IFT140: variants seen among roughly 807,000 people sequenced by gnomAD.
IFT140 encodes intraflagellar transport 140.
A neutral mutation model predicts 164.6 loss-of-function variants in IFT140; 133 were observed. The observed-to-expected ratio is 0.81, with a 90% CI of 0.70 to 0.93. The LOEUF is 0.93. Among genes scored for constraint, IFT140 ranks in the 40% least tolerant of loss-of-function variants. IFT140 has a pLI of 0.00. For missense variants in IFT140, 2,045 were observed against 1,972.3 expected (o/e 1.04, Z -0.70); for synonymous variants, 860 against 817.3 (o/e 1.05, Z -0.89).
chr16:1,538,625 C>A (rs1387764474), intron 19 of IFT140, among the ~76,000 whole-genome samples: 1 of 152,214 alleles, frequency 6.6e-6, no homozygotes, highest in East Asian at 1.9e-4. Context: ...TAATGCCTCC[C>A]TCATTTTGCA....
At chr16:1,570,883 G>A (rs982099451) in intron 14 of IFT140, among the ~76,000 whole-genome samples, 2 of 152,124 alleles carry the variant, frequency 1.3e-5, no homozygotes, top group African/African-American at 2.4e-5. Flanking sequence ...AGCCTCCCAA[G>A]CAGGTGGGAC....
intron 30 of IFT140, among the ~76,000 whole-genome samples, chr16:1,512,634 A>T (rs770248910): frequency 3.9e-5 from 6 of 152,180 alleles, no homozygotes; most frequent in African/African-American, 1.2e-4. Flanking sequence ...ACGGAAAACT[A>T]TAGTTCTCCT....
At position 1,576,541 on chromosome 16, in the gene IFT140, G is replaced by A. The variant is rs576785645; in HGVS notation, c.1524+4218C>T. On this transcript the variant is annotated intron_variant, in intron 13 of 30. Transcript: ENST00000426508. ...CAGGAGGCGGAGCTTGCAGTGAGCC[G>A]AGATCGCACCACTCCACTCCAGCCT... Among the ~76,000 whole-genome samples the A allele has an allele frequency of 1.7e-4, 25 of 149,166 alleles. No individual in the cohort carries two copies. The South Asian group carries it at 4.5e-3, about 27-fold the overall frequency.
intron 19 of IFT140, among the ~76,000 whole-genome samples, chr16:1,538,926 G>A (rs1363129193): frequency 1.3e-5 from 2 of 152,192 alleles, no homozygotes; most frequent in Non-Finnish European, 2.9e-5. Context: ...GGTCCCATCT[G>A]CACAGGCCCT....
intron 19 of IFT140, among the ~76,000 whole-genome samples, chr16:1,545,533 C>T (rs1454584976): frequency 1.3e-5 from 2 of 152,168 alleles, no homozygotes; most frequent in East Asian, 1.9e-4. Context: ...CCTGTACTCG[C>T]GTCTGTTTTA....
chr16:1,594,808 C>T (rs1003160479), intron 4 of IFT140, among the ~76,000 whole-genome samples: 11 of 152,190 alleles, frequency 7.2e-5, no homozygotes, highest in African/African-American at 2.4e-4. Context: ...GTGGCTCTTC[C>T]GCTCAGACGC....
At chr16:1,529,480 G>C (rs2030204432) in intron 19 of IFT140, among the ~76,000 whole-genome samples, 1 of 152,216 alleles carries the variant, frequency 6.6e-6, no homozygotes, top group Non-Finnish European at 1.5e-5. Flanking sequence ...GGGTGCATGG[G>C]ACCCCAGGGA....
rs548685187 is a variant in IFT140, at chr16:1,551,141, G to A, written c.2399+6794C>T. Among the ~76,000 whole-genome samples, 4 of 152,336 alleles carry A rather than the reference G, an allele frequency of 2.6e-5. No homozygotes were observed. The highest frequency in any genetic ancestry group is 4.4e-5 in the Non-Finnish European group (3 of 68,038). On this transcript the variant is annotated intron_variant, in intron 19 of 30. Coordinates refer to ENST00000426508, the MANE Select transcript of IFT140 (RefSeq NM_014714.4). This position sits in a 1 kb window ranked among gnomAD's most constrained non-coding sequence, Gnocchi z 4.0. Reference sequence around the variant, plus strand: ...CACGTCTACTTTGGTCTCCTCAAACGATTAACTCAAAAAGTAATTGCGGAG... The same window carrying A: ...CACGTCTACTTTGGTCTCCTCAAACAATTAACTCAAAAAGTAATTGCGGAG...
intron 19 of IFT140, among the ~76,000 whole-genome samples, chr16:1,535,990 C>T (rs1271570947): frequency 2.0e-5 from 3 of 152,270 alleles, no homozygotes; most frequent in Non-Finnish European, 4.4e-5. Flanking sequence ...AGCCCCGTTA[C>T]TGTGCTGAAC....
intron 8 of IFT140, 36 bp downstream of exon 8, chr16:1,587,897 C>G: frequency 6.6e-7 from 1 of 1,526,666 alleles, no homozygotes; most frequent in Non-Finnish European, 9.0e-7. Context: ...CCTCAGGGAA[C>G]TCTCATCAAG....
At chr16:1,534,172 G>T (rs1473007540) in intron 19 of IFT140, 12 of 1,466,518 alleles carry the variant, frequency 8.2e-6, no homozygotes, top group Non-Finnish European at 1.1e-5. Context: ...AGGATGAGTG[G>T]TGATGTCCTC....
At chr16:1,555,569 C>T (rs1448155774) in intron 19 of IFT140, 1 of 157,334 alleles carries the variant, frequency 6.4e-6, no homozygotes, top group Non-Finnish European at 1.4e-5. Flanking sequence ...AGCCTCTGAA[C>T]TCTGTCTATA....
chr16:1,541,084 G>A, intron 19 of IFT140: 5 of 985,436 alleles, frequency 5.1e-6, no homozygotes, highest in Non-Finnish European at 6.0e-6. Flanking sequence ...ACCTCCCTCT[G>A]AAGTTCACTC....
Position 1,523,645 on chromosome 16 carries a change from G to A in IFT140, c.3326C>T (p.Ala1109Val), listed in dbSNP as rs866448930. 1 of 1,613,940 alleles carries A rather than the reference G, an allele frequency of 6.2e-7. No individual in the cohort carries two copies. The highest frequency in any genetic ancestry group is 2.2e-5 in the East Asian group (1 of 44,882). Residue 1109 changes from alanine (A) to valine (V), a missense_variant, in exon 26 of 31, where the codon GCC (alanine) becomes GTC (valine). Transcript: ENST00000426508. ...CAGGTCCTCTGCTATGAGCTGTAGG[G>A]CCACAAACTGCTGGGTGGCAAAGGC... ...ELAFATQQFV[A>V]LQLIAEDLDE...
At chr16:1,596,108 T>C (rs2035450363) in intron 4 of IFT140, among the ~76,000 whole-genome samples, 1 of 152,140 alleles carries the variant, frequency 6.6e-6, no homozygotes. Context: ...TATTTGTGTT[T>C]AGTAATTTTT....
intron 18 of IFT140, among the ~76,000 whole-genome samples, chr16:1,559,800 A>G (rs1305228031): frequency 6.6e-6 from 1 of 152,222 alleles, no homozygotes; most frequent in Non-Finnish European, 1.5e-5. Context: ...GTATCGGTGC[A>G]CAGACAATTG....
rs550438130 is a variant in IFT140 at position 1,511,200 on chromosome 16, G to A, written c.4183-50C>T. 155 of 1,498,792 alleles carry A rather than the reference G, an allele frequency of 1.0e-4. No homozygotes were observed. The East Asian group carries it at 2.3e-3, about 22-fold the overall frequency. 92.8% of individuals were successfully genotyped at this position (1,498,792 alleles called of 1,614,324 possible). ...TCAGCTTTCCTGAACAACCAGGCAC[G>A]ACCCTCTGCCTGCAGGCCAGGCACG... On this transcript the variant is annotated intron_variant, in intron 30 of 30. Transcript: ENST00000426508.
intron 2 of IFT140, 55 bp from the exon 3 acceptor site, chr16:1,607,352 A>C: frequency 7.3e-7 from 1 of 1,374,852 alleles, no homozygotes; most frequent in Non-Finnish European, 1.0e-6. Context: ...AACAAACAAT[A>C]TGACTGTACA....
Position 1,562,194 on chromosome 16 carries a change from TAC to T in IFT140, c.2068-80_2068-79del. 3 of 1,315,502 alleles carry T rather than the reference TAC, an allele frequency of 2.3e-6. No homozygotes were observed. The South Asian group carries it at 4.8e-5, about 21-fold the overall frequency. The allele number at this position is 1,315,502 out of a possible 1,614,324, so 81.5% of individuals were successfully genotyped here. ...TTCTGGGGTATGAGTGCCATTTTGC[TAC>T]ACACACTGCGTCACGGTGGGGTCGT... On this transcript the variant is annotated intron_variant, in intron 17 of 30. Transcript: ENST00000426508.
Sources: allele counts gnomAD v4.1 joint callset (sites outside exome capture counted in the v4.1 genomes callset), GRCh38; gene constraint gnomAD v4.1.1; non-coding constraint Gnocchi (gnomAD v3.1); transcripts MANE v1.5; gene names NCBI Gene and HGNC (gene_info 2026-07-23, HGNC 2026-07-21).